The following LAMC1 variants were observed in gnomAD, a reference collection of about 807,000 sequenced individuals.
The protein encoded by LAMC1 is laminin subunit gamma-1.
Under a neutral mutation model 173.6 loss-of-function variants are expected in LAMC1, and 38 were observed. That is an observed-to-expected ratio of 0.22 (90% CI 0.17 to 0.29). LAMC1 has a LOEUF of 0.29. LAMC1 is among the 10% of genes least tolerant of loss of function. LAMC1 has a pLI of 1.00. For missense variants in LAMC1, 1,824 were observed against 2,051.8 expected (o/e 0.89, Z 2.14); for synonymous variants, 746 against 749.1 (o/e 1.00, Z 0.07).
intron 2 of LAMC1, among the ~76,000 whole-genome samples, chr1:183,104,435 A>T (rs899948268): frequency 3.9e-5 from 6 of 152,238 alleles, no homozygotes; most frequent in African/African-American, 1.4e-4. Flanking sequence ...TGCTGTACTC[A>T]GCACTTTAAC....
At chr1:183,116,513 G>T (rs766154494) in intron 6 of LAMC1, 64 bp from the exon 7 acceptor site, 26 of 1,117,194 alleles carry the variant, frequency 2.3e-5, no homozygotes, top group Non-Finnish European at 3.3e-5. Flanking sequence ...AAAACAAAGG[G>T]CTGACTTGAA....
chr1:183,125,742 C>T (rs546430774), intron 15 of LAMC1, among the ~76,000 whole-genome samples, 192 bp downstream of exon 15: 2 of 152,174 alleles, frequency 1.3e-5, no homozygotes, highest in South Asian at 2.1e-4. Context: ...GCACAGTGGC[C>T]CCAGCTGTGC....
In LAMC1 at chr1:183,136,410, A is replaced by T. The variant is rs764989620; in HGVS notation, c.4139A>T (p.Asn1380Ile). The T allele has an allele frequency of 1.9e-6, 3 of 1,614,196 alleles. No individual in the cohort carries two copies. Among genetic ancestry groups the T allele is most frequent in the Admixed American group, 1.7e-5 (1 of 60,018 alleles). ...LKDFDRRVND[N>I]KTAAEEALRK... is the part of the protein sequence containing the mutation. ...GATTTTGATAGGCGTGTGAACGATAACAAGACGGCCGCAGAGGAGGCACTA... is the reference window on the plus strand; with the variant it reads ...GATTTTGATAGGCGTGTGAACGATATCAAGACGGCCGCAGAGGAGGCACTA... Residue 1380 changes from asparagine to isoleucine, a missense_variant, in exon 25 of 28, where the codon AAC becomes ATC. By Grantham distance (149) the Asn-to-Ile change is moderately radical (BLOSUM62 -3). Transcript: ENST00000258341.
intron 2 of LAMC1, 116 bp downstream of exon 2, chr1:183,103,748 A>T (rs951524181): frequency 4.4e-5 from 35 of 795,848 alleles, no homozygotes; most frequent in Non-Finnish European, 5.9e-5. Context: ...AGAGTAGAAT[A>T]CTTGAGCAAC....
At chr1:183,129,255 T>G (rs1277637846) in intron 18 of LAMC1, among the ~76,000 whole-genome samples, 1 of 151,930 alleles carries the variant, frequency 6.6e-6, no homozygotes, top group African/African-American at 2.4e-5. Flanking sequence ...CCCGGGGTAA[T>G]TTTTTTGTAT....
At chr1:183,132,335 T>G in intron 20 of LAMC1, 65 bp from the exon 21 acceptor site, 1 of 1,165,368 alleles carries the variant, frequency 8.6e-7, no homozygotes, top group Middle Eastern at 2.0e-4. Context: ...AAGCATTACC[T>G]GAATTTTACT....
chr1:183,063,545 C>T (rs796086287), intron 1 of LAMC1, among the ~76,000 whole-genome samples: 40 of 152,362 alleles, frequency 2.6e-4, no homozygotes, highest in African/African-American at 8.9e-4. Flanking sequence ...ATGTTTCTAA[C>T]TGACCACTAG....
chr1:183,031,516 C>T (rs1349505491), intron 1 of LAMC1, among the ~76,000 whole-genome samples: 1 of 152,062 alleles, frequency 6.6e-6, no homozygotes, highest in Non-Finnish European at 1.5e-5. Context: ...GTTGGTCAGG[C>T]TGGTTTTGAA....
chr1:183,072,635 C>A (rs1218061495), intron 1 of LAMC1, among the ~76,000 whole-genome samples: 1 of 152,204 alleles, frequency 6.6e-6, no homozygotes, highest in Non-Finnish European at 1.5e-5. Context: ...GGCCACGAAC[C>A]GGTACCAGTC....
At chr1:183,037,286 C>T (rs971349668) in intron 1 of LAMC1, among the ~76,000 whole-genome samples, 1 of 152,186 alleles carries the variant, frequency 6.6e-6, no homozygotes. Flanking sequence ...GGGAATGCCA[C>T]CATCTTATCT....
intron 1 of LAMC1, among the ~76,000 whole-genome samples, chr1:183,079,982 G>A (rs1281069765): frequency 1.3e-5 from 2 of 152,130 alleles, no homozygotes; most frequent in Non-Finnish European, 2.9e-5. Flanking sequence ...GGTGGCTCAT[G>A]CCTGTAATCC....
chr1:183,055,029 CCTAGG>C (rs1274713513), intron 1 of LAMC1, among the ~76,000 whole-genome samples: 1 of 149,136 alleles, frequency 6.7e-6, no homozygotes, highest in Non-Finnish European at 1.5e-5. Flanking sequence ...GCTCTTGTTG[CCTAGG>C]CTGGAGTGCA....
intron 1 of LAMC1, among the ~76,000 whole-genome samples, chr1:183,055,092 G>T (rs944371411): frequency 6.6e-6 from 1 of 151,282 alleles, no homozygotes. Flanking sequence ...GGGTTCAAGC[G>T]ATTCTCCTGC....
At chr1:183,098,917 T>G (rs781618351) in intron 1 of LAMC1, among the ~76,000 whole-genome samples, 60 of 152,196 alleles carry the variant, frequency 3.9e-4, no homozygotes, top group African/African-American at 1.4e-3. Context: ...ACAACAGCAT[T>G]TAATACACGT....
intron 6 of LAMC1, 57 bp from the exon 7 acceptor site, chr1:183,116,520 T>C (rs1656326781): frequency 1.7e-6 from 2 of 1,202,756 alleles, no homozygotes; most frequent in African/African-American, 3.0e-5. Context: ...AGGGCTGACT[T>C]GAAGAGTGGA....
Position 183,125,434 on chromosome 1 carries a change from G to T in LAMC1, c.2685G>T (p.Gln895His). The T allele has an allele frequency of 6.8e-6, 11 of 1,614,148 alleles. No homozygotes were observed. The highest frequency in any genetic ancestry group is 5.9e-6 in the Non-Finnish European group (7 of 1,179,986). Residue 895 changes from glutamine (Q) to histidine (H), a missense_variant, in exon 15 of 28, where the codon CAG becomes CAT. Physicochemically the swap from Gln to His is conservative, Grantham distance 24. Transcript: ENST00000258341. ...ATCTGTATGGGACCATGAAGCAGCA[G>T]AGCAGCTGTAACCCCGTGACGGGGC... ...NCNLYGTMKQ[Q>H]SSCNPVTGQC...
chr1:183,132,631 A>G, intron 21 of LAMC1, 94 bp downstream of exon 21: 1 of 929,866 alleles, frequency 1.1e-6, no homozygotes, highest in East Asian at 2.5e-5. Flanking sequence ...CATTCAGGGC[A>G]TACATTCATG....
intron 1 of LAMC1, among the ~76,000 whole-genome samples, chr1:183,094,153 G>A (rs551783058): frequency 4.6e-5 from 7 of 152,110 alleles, no homozygotes; most frequent in Non-Finnish European, 8.8e-5. Flanking sequence ...TGCTTCAGCC[G>A]CACTGGCCTC....
intron 1 of LAMC1, among the ~76,000 whole-genome samples, chr1:183,025,246 C>T (rs1467213995): frequency 6.6e-6 from 1 of 152,134 alleles, no homozygotes; most frequent in Non-Finnish European, 1.5e-5. Flanking sequence ...ATGTTGTAGG[C>T]AAATGGTTCT....
Sources: gnomAD v4.1 joint callset for allele counts (sites outside exome capture counted in the v4.1 genomes callset) on GRCh38, gnomAD v4.1.1 for gene constraint, MANE v1.5 for transcripts, NCBI Gene and HGNC (gene_info 2026-07-23, HGNC 2026-07-21) for gene names.